Variants in MGAT4C observed in about 807,000 individuals in gnomAD.
MGAT4C encodes the protein alpha-1,3-mannosyl-glycoprotein 4-beta-N-acetylglucosaminyltransferase C.
A neutral mutation model predicts 40.1 loss-of-function variants in MGAT4C; 19 were observed. The observed-to-expected ratio is 0.47, with a 90% CI of 0.33 to 0.70. MGAT4C has a LOEUF of 0.70. Among genes scored for constraint, MGAT4C ranks in the 30% least tolerant of loss-of-function variants. The probability of loss-of-function intolerance (pLI) is 0.02; values close to 1 mark genes in which losing one functional copy is unlikely to be tolerated. For missense variants in MGAT4C, 491 were observed against 563.2 expected, an observed-to-expected ratio of 0.87 and a Z score of 1.30; for synonymous variants, 181 against 187.1, an observed-to-expected ratio of 0.97 and a Z score of 0.27.
chr12:86,139,953 C>G (rs939813750), intron 1 of MGAT4C, among the ~76,000 whole-genome samples: 1 of 152,160 alleles, frequency 6.6e-6, no homozygotes, highest in Non-Finnish European at 1.5e-5. Context: ...TGCCTAAAAG[C>G]CTTTAATGGT....
chr12:86,050,277 T>G (rs972808671), intron 1 of MGAT4C, among the ~76,000 whole-genome samples: 7 of 151,980 alleles, frequency 4.6e-5, no homozygotes, highest in Non-Finnish European at 1.0e-4. Context: ...GGAACACAGT[T>G]TGCTATTGAA....
At chr12:86,154,826 G>A (rs542402854) in intron 1 of MGAT4C, among the ~76,000 whole-genome samples, 1 of 152,272 alleles carries the variant, frequency 6.6e-6, no homozygotes, top group South Asian at 2.1e-4. Context: ...CGTGTTGAGA[G>A]CTTCCCACGT....
chr12:86,347,942 C>A (rs546859217), intron 3 of MGAT4C, among the ~76,000 whole-genome samples: 1 of 152,166 alleles, frequency 6.6e-6, no homozygotes, highest in East Asian at 1.9e-4. Flanking sequence ...ATGTGCCTTC[C>A]TAATTTTTTC....
At chr12:86,673,344 A>G (rs940780137) in intron 2 of MGAT4C, among the ~76,000 whole-genome samples, 1 of 152,184 alleles carries the variant, frequency 6.6e-6, no homozygotes, top group Non-Finnish European at 1.5e-5. Flanking sequence ...AACACAAAGT[A>G]AGCCTTTTAG....
intron 2 of MGAT4C, among the ~76,000 whole-genome samples, chr12:86,587,225 C>A (rs1465232934): frequency 6.6e-6 from 1 of 151,890 alleles, no homozygotes; most frequent in Non-Finnish European, 1.5e-5. Context: ...TTCCCCATTG[C>A]TTGTTTTTCT....
chr12:86,207,321 C>T (rs746529866), intron 1 of MGAT4C, among the ~76,000 whole-genome samples: 4 of 151,956 alleles, frequency 2.6e-5, no homozygotes, highest in South Asian at 2.1e-4. Context: ...ATGTGCTGAA[C>T]GTGCAGGCTT....
intron 1 of MGAT4C, among the ~76,000 whole-genome samples, chr12:86,151,899 C>T (rs1884331794): frequency 6.6e-6 from 1 of 152,210 alleles, no homozygotes; most frequent in Admixed American, 6.5e-5. Flanking sequence ...TCTTCAAATT[C>T]CTGTATGACA....
intron 1 of MGAT4C, among the ~76,000 whole-genome samples, chr12:86,139,859 A>C (rs2135735424): frequency 6.6e-6 from 1 of 152,314 alleles, no homozygotes; most frequent in African/African-American, 2.4e-5. Context: ...GCTGCTCTGC[A>C]TTTGCATTAA....
chr12:86,396,016 T>C (rs748913704), intron 3 of MGAT4C, among the ~76,000 whole-genome samples: 2 of 152,192 alleles, frequency 1.3e-5, no homozygotes, highest in Non-Finnish European at 2.9e-5. Context: ...GTGCAGTAAA[T>C]ATCAATGAGT....
At chr12:86,207,485 C>G (rs1950302948) in intron 1 of MGAT4C, among the ~76,000 whole-genome samples, 1 of 151,898 alleles carries the variant, frequency 6.6e-6, no homozygotes, top group African/African-American at 2.4e-5. Flanking sequence ...GTTCTCCTCC[C>G]TGTGTCCATG....
At chr12:86,528,979 A>T (rs1958931952) in intron 2 of MGAT4C, among the ~76,000 whole-genome samples, 1 of 152,086 alleles carries the variant, frequency 6.6e-6, no homozygotes, top group Admixed American at 6.5e-5. Flanking sequence ...AAGTTGAAAA[A>T]AAAACCACTA....
chr12:86,506,224 C>T (rs1368955376), intron 2 of MGAT4C, among the ~76,000 whole-genome samples: 1 of 152,112 alleles, frequency 6.6e-6, no homozygotes, highest in Non-Finnish European at 1.5e-5. Context: ...CAAATAGAAC[C>T]ACTCTTCCTG....
At chr12:86,344,746 G>A (rs897679700) in intron 3 of MGAT4C, among the ~76,000 whole-genome samples, 2 of 124,218 alleles carry the variant, frequency 1.6e-5, no homozygotes, top group Non-Finnish European at 3.8e-5. Flanking sequence ...GTGTGTGTGT[G>A]TGTGTGTGTA....
intron 2 of MGAT4C, among the ~76,000 whole-genome samples, chr12:86,493,564 G>A (rs569238358): frequency 3.3e-5 from 5 of 150,388 alleles, no homozygotes; most frequent in African/African-American, 4.9e-5. Flanking sequence ...ACCAAACACT[G>A]CATTTTCTCA....
At chr12:86,791,070 C>T (rs957428123) in intron 1 of MGAT4C, among the ~76,000 whole-genome samples, 11 of 152,066 alleles carry the variant, frequency 7.2e-5, no homozygotes, top group South Asian at 4.1e-4. Context: ...TCAGAAATTT[C>T]GGTGTGCTCT....
At chr12:86,330,640 G>A (rs1205531265) in intron 4 of MGAT4C, among the ~76,000 whole-genome samples, 1 of 152,076 alleles carries the variant, frequency 6.6e-6, no homozygotes, top group Non-Finnish European at 1.5e-5. Context: ...TTGGATCTGT[G>A]TGATAGTCTT....
At chr12:86,232,335 C>CA (rs1312769226) in intron 1 of MGAT4C, among the ~76,000 whole-genome samples, 7 of 152,078 alleles carry the variant, frequency 4.6e-5, no homozygotes, top group Non-Finnish European at 5.9e-5. Context: ...ATAACATTCA[C>CA]AAAAGAGTTC....
intron 2 of MGAT4C, among the ~76,000 whole-genome samples, chr12:86,656,871 G>C (rs1338094638): frequency 6.6e-6 from 1 of 151,980 alleles, no homozygotes; most frequent in African/African-American, 2.4e-5. Flanking sequence ...TAGAGGTTTA[G>C]GATTACATTT....
rs76535850 is a variant in MGAT4C, at chr12:86,721,799, C to A, written c.-229+5410G>T. On this transcript the variant is annotated intron_variant, in intron 2 of 7. Transcript: ENST00000548651. ...CACGCAGTTTGCCAGAGGGTCCAAGCTGGGTCCCTGATTGTTTAAGTCTAT... is the reference window on the plus strand; with the variant it reads ...CACGCAGTTTGCCAGAGGGTCCAAGATGGGTCCCTGATTGTTTAAGTCTAT... 3.2e-3 allele frequency among the ~76,000 whole-genome samples: 480 copies of A among 152,216 alleles called. 2 individuals carry two copies. The highest frequency in any genetic ancestry group is 0.011 in the African/African-American group (464 of 41,526).
Sources: gnomAD v4.1 joint callset for allele counts (sites outside exome capture counted in the v4.1 genomes callset) on GRCh38, gnomAD v4.1.1 for gene constraint, MANE v1.5 for transcripts, NCBI Gene and HGNC (gene_info 2026-07-23, HGNC 2026-07-21) for gene names.